Variants in STX6 observed in about 807,000 individuals in gnomAD.
STX6 encodes syntaxin 6.
Under a neutral mutation model 38.0 loss-of-function variants are expected in STX6, and 23 were observed. The observed-to-expected ratio is 0.60, with a 90% CI of 0.43 to 0.86. The LOEUF (loss-of-function observed/expected upper bound fraction) is 0.86, where lower values mean the gene tolerates loss of function less well. Among genes scored for constraint, STX6 ranks in the 40% least tolerant of loss-of-function variants. STX6 has a pLI of 0.00. For synonymous variants in STX6, 123 were observed against 107.5 expected (o/e 1.14, Z -0.89); for missense variants, 274 against 312.9 (o/e 0.88, Z 0.94).
intron 5 of STX6, chr1:180,988,858 T>C (rs1435400301): frequency 6.6e-6 from 1 of 152,458 alleles, no homozygotes. Context: ...CAAGGACAAC[T>C]ACTGACTGAC....
At chr1:180,992,583 T>C (rs888211351) in intron 4 of STX6, among the ~76,000 whole-genome samples, 3 of 152,166 alleles carry the variant, frequency 2.0e-5, no homozygotes, top group African/African-American at 7.2e-5. Flanking sequence ...CCACAGAATT[T>C]AAAAAACTAC....
chr1:181,014,193 C>T (rs377005834), intron 1 of STX6, among the ~76,000 whole-genome samples: 3 of 152,090 alleles, frequency 2.0e-5, no homozygotes, highest in African/African-American at 7.2e-5. Flanking sequence ...GTCAGGAGTT[C>T]GAGACCAGCC....
At position 180,984,761 on chromosome 1, in the gene STX6, C is replaced by T. The variant is rs745415980; in HGVS notation, c.607G>A (p.Asp203Asn). The change falls in exon 7 of 8, where the codon GAT becomes AAT. Residue 203 changes from aspartate (D) to asparagine (N), a missense_variant. Coordinates refer to ENST00000258301, the MANE Select transcript of STX6 (RefSeq NM_005819.6). ...ELEEQAVMLEDFSHELESTQS... is the reference protein window; with the variant it reads ...ELEEQAVMLENFSHELESTQS... ...GTGCTCTCCAATTCGTGAGAGAAAT[C>T]TTCCAACATACTAGAGAGAAGCAGA... 3 of 1,558,996 alleles carry T rather than the reference C, an allele frequency of 1.9e-6. No individual in the cohort carries two copies. The highest frequency in any genetic ancestry group is 2.7e-6 in the Non-Finnish European group (3 of 1,130,006).
chr1:180,995,275 A>G (rs1002651327), intron 3 of STX6, among the ~76,000 whole-genome samples: 2 of 152,094 alleles, frequency 1.3e-5, no homozygotes, highest in Non-Finnish European at 1.5e-5. Flanking sequence ...AATATTTTTT[A>G]AATGTAGTTC....
At chr1:180,979,410 T>A (rs1390726276) in intron 7 of STX6, among the ~76,000 whole-genome samples, 4 of 152,220 alleles carry the variant, frequency 2.6e-5, no homozygotes, top group Non-Finnish European at 5.9e-5. Context: ...TCAACTGATC[T>A]TTCACAAAGG....
chr1:181,022,534 C>G, intron 1 of STX6, 105 bp downstream of exon 1: 1 of 1,205,998 alleles, frequency 8.3e-7, no homozygotes, highest in Non-Finnish European at 1.2e-6. Flanking sequence ...TCCCCCTCCC[C>G]AGCTCCAACT....
rs1206259757 is a variant in STX6 at position 180,975,133 on chromosome 1, T to G, written c.*1437A>C. On this transcript the variant is annotated 3_prime_UTR_variant, in exon 8 of 8. Coordinates refer to ENST00000258301, the MANE Select transcript of STX6 (RefSeq NM_005819.6). ...TTTAAAAAAAAAGTGTGCTGAGGAA[T>G]GCACCCAAAAAGACAAGGAAATGAG... The G allele has an allele frequency of 2.0e-5, 3 of 152,436 alleles. No individual in the cohort carries two copies. The highest frequency in any genetic ancestry group is 2.9e-5 in the Non-Finnish European group (2 of 67,994). The allele number at this position is 152,436 out of a possible 1,614,324, so 9.4% of individuals were successfully genotyped here. A position where few individuals can be genotyped will look rare whatever the true frequency, so the allele number is the denominator to read the frequency against.
chr1:180,999,749 TAA>T lies in STX6; in HGVS notation c.300+2855_300+2856del, dbSNP rs918269758. On this transcript the variant is annotated intron_variant, in intron 3 of 7. Coordinates refer to ENST00000258301, the MANE Select transcript of STX6 (RefSeq NM_005819.6). ...TAAGTAGAATACACTGTTTGAAAGA[TAA>T]AGTCAATCAAAATTTTGGAGCAATA... is the stretch of plus-strand genomic sequence containing the variant. Among the ~76,000 whole-genome samples, 8 of 151,466 alleles carry T rather than the reference TAA, an allele frequency of 5.3e-5. No homozygotes were observed. In the East Asian group the frequency reaches 5.8e-4, roughly 11 times the overall value.
Position 180,993,392 on chromosome 1 carries a change from GCA to G in STX6, c.332_333del (p.Val111AlafsTer5). The G allele has an allele frequency of 6.3e-7, 1 of 1,598,130 alleles. No homozygotes were observed. The highest frequency in any genetic ancestry group is 8.6e-7 in the Non-Finnish European group (1 of 1,166,882). On this transcript the variant is annotated frameshift_variant, in exon 4 of 8. Coordinates refer to ENST00000258301, the MANE Select transcript of STX6 (RefSeq NM_005819.6). LOFTEE classifies it high-confidence loss of function. ...DMKDQMSTSS[V>X]QALAERKNRQ... ...CTATTTTTTCTTTCAGCTAATGCCT[GCA>G]CAGATGAAGTTGACATCTGATCTTT...
At chr1:180,982,189 C>T (rs1655436674) in intron 7 of STX6, among the ~76,000 whole-genome samples, 1 of 152,172 alleles carries the variant, frequency 6.6e-6, no homozygotes. Flanking sequence ...TCACACTTCG[C>T]TGTGCCTCCA....
chr1:181,008,038 G>C (rs1016072721), intron 1 of STX6, among the ~76,000 whole-genome samples: 2 of 152,156 alleles, frequency 1.3e-5, no homozygotes. Flanking sequence ...ACTTGGAAAA[G>C]GGAGGAGAAT....
At chr1:181,018,608 A>G (rs963740081) in intron 1 of STX6, among the ~76,000 whole-genome samples, 7 of 152,122 alleles carry the variant, frequency 4.6e-5, no homozygotes, top group African/African-American at 1.7e-4. Flanking sequence ...TACCTACTTC[A>G]TAAGGATAAA....
At chr1:181,009,489 G>T (rs200893040) in intron 1 of STX6, among the ~76,000 whole-genome samples, 1 of 125,838 alleles carries the variant, frequency 7.9e-6, no homozygotes, top group Non-Finnish European at 1.7e-5. Context: ...AAAAAAAAAA[G>T]CAAAAGATTT....
chr1:180,986,846 G>A (rs1390081652), intron 6 of STX6, among the ~76,000 whole-genome samples: 2 of 152,152 alleles, frequency 1.3e-5, no homozygotes, highest in Non-Finnish European at 2.9e-5. Context: ...TGCCCAGCCA[G>A]GCTGCCTCAT....
At chr1:181,007,205 T>C (rs1029527034) in intron 1 of STX6, among the ~76,000 whole-genome samples, 2 of 152,188 alleles carry the variant, frequency 1.3e-5, no homozygotes, top group African/African-American at 4.8e-5. Flanking sequence ...GGCATAGTAT[T>C]TGCATATAAC....
intron 5 of STX6, chr1:180,988,603 CTGGTTGG>C: frequency 2.7e-6 from 1 of 364,386 alleles, no homozygotes; most frequent in Non-Finnish European, 5.2e-6. Flanking sequence ...GAGATTTACT[CTGGTTGG>C]CTGACGTCCA....
chr1:180,992,079 C>A (rs1024649278), intron 4 of STX6, among the ~76,000 whole-genome samples: 1 of 151,928 alleles, frequency 6.6e-6, no homozygotes, highest in African/African-American at 2.4e-5. Flanking sequence ...ACTTCAGTTA[C>A]TTCCACTTCC....
rs199638961 is a variant in STX6 at position 180,984,728 on chromosome 1, G to A, written c.640C>T (p.Arg214Trp). 93 of 1,597,282 alleles carry A rather than the reference G, an allele frequency of 5.8e-5. No homozygotes were observed. The East Asian group carries it at 1.7e-3, about 28-fold the overall frequency. Residue 214 changes from arginine (R) to tryptophan (W), a missense_variant, in exon 7 of 8, where the codon CGG becomes TGG. Physicochemically the swap from Arg to Trp is moderately radical, Grantham distance 101. Transcript: ENST00000258301. ...FSHELESTQS[R>W]LDNVMKKLAK... The stretch of plus-strand genomic sequence containing the variant: ...AGTTTCTTCATCACATTGTCCAGCC[G>A]GGACTGAGTGCTCTCCAATTCGTGA...
chr1:180,998,974 G>C (rs1655994802), intron 3 of STX6, among the ~76,000 whole-genome samples: 1 of 152,160 alleles, frequency 6.6e-6, no homozygotes, highest in South Asian at 2.1e-4. Flanking sequence ...CTTCCAAGCT[G>C]AATGAATGAG....
Sources: allele counts gnomAD v4.1 joint callset (sites outside exome capture counted in the v4.1 genomes callset), GRCh38; gene constraint gnomAD v4.1.1; transcripts MANE v1.5; gene names NCBI Gene and HGNC (gene_info 2026-07-23, HGNC 2026-07-21).